VWA3B: variants seen among roughly 807,000 people sequenced by gnomAD.
VWA3B encodes the protein von Willebrand factor A domain containing 3B, also known as von Willebrand factor A domain-containing protein 3B.
A neutral mutation model predicts 158.3 loss-of-function variants in VWA3B; 138 were observed. The ratio of observed to expected loss-of-function variants is 0.87; its 90% CI spans 0.76 to 1.00. The LOEUF (loss-of-function observed/expected upper bound fraction) is 1.00, where lower values mean the gene tolerates loss of function less well. VWA3B is among the 50% of genes least tolerant of loss of function. The probability of loss-of-function intolerance (pLI) is 0.00; values close to 1 mark genes in which losing one functional copy is unlikely to be tolerated. For missense variants in VWA3B, 1,555 were observed against 1,565.1 expected (o/e 0.99, Z 0.11); for synonymous variants, 596 against 587.3 (o/e 1.01, Z -0.21).
At chr2:98,233,259 T>C (rs892734805) in intron 16 of VWA3B, among the ~76,000 whole-genome samples, 6 of 152,156 alleles carry the variant, frequency 3.9e-5, no homozygotes, top group Non-Finnish European at 7.4e-5. Flanking sequence ...TTTGTTTCCA[T>C]TGGTGATGTA....
chr2:98,214,230 CA>C (rs553661906), intron 13 of VWA3B, among the ~76,000 whole-genome samples: 3 of 144,846 alleles, frequency 2.1e-5, no homozygotes, highest in Non-Finnish European at 4.7e-5. Context: ...ACAAAAAAAA[CA>C]AAAAAAAGAG....
chr2:98,174,093 T>A (rs1325286285), intron 8 of VWA3B, among the ~76,000 whole-genome samples: 1 of 152,206 alleles, frequency 6.6e-6, no homozygotes, highest in Admixed American at 6.5e-5. Flanking sequence ...GTTAAGGACC[T>A]TCAAAACTTC....
At position 98,224,913 on chromosome 2, in the gene VWA3B, A is replaced by G. The variant is rs7561682; in HGVS notation, c.2020-3289A>G. ...TGAATCCAGCAATGTATTAAAAATT[A>G]TACACTATGATCAAGGGGGACTTAC... On this transcript the variant is annotated intron_variant, in intron 14 of 27. Transcript: ENST00000477737. Among the ~76,000 whole-genome samples the G allele has an allele frequency of 2.8e-3, 429 of 152,362 alleles. 2 individuals carry two copies. Among genetic ancestry groups the G allele is most frequent in the African/African-American group, 9.9e-3 (412 of 41,586 alleles).
intron 8 of VWA3B, among the ~76,000 whole-genome samples, chr2:98,164,250 GA>G (rs1212897216): frequency 6.6e-6 from 1 of 152,194 alleles, no homozygotes; most frequent in East Asian, 1.9e-4. Context: ...GGAGTAGTGT[GA>G]ATGGGGGTTT....
chr2:98,201,624 TG>T (rs1305088458), intron 12 of VWA3B, among the ~76,000 whole-genome samples: 2 of 151,472 alleles, frequency 1.3e-5, no homozygotes, highest in Admixed American at 6.6e-5. Flanking sequence ...TGAGGTTTTT[TG>T]TTTTTTTTGT....
intron 8 of VWA3B, among the ~76,000 whole-genome samples, chr2:98,163,908 C>A (rs1327730005): frequency 6.6e-6 from 1 of 152,176 alleles, no homozygotes; most frequent in Non-Finnish European, 1.5e-5. Context: ...TCAGGCGATG[C>A]AGAGATGAGC....
At chr2:98,287,443 A>G (rs1689230826) in intron 22 of VWA3B, among the ~76,000 whole-genome samples, 1 of 152,204 alleles carries the variant, frequency 6.6e-6, no homozygotes, top group South Asian at 2.1e-4. Context: ...TTTTACAAGA[A>G]CATTTGTCCT....
chr2:98,263,862 G>C (rs1006438245), intron 21 of VWA3B, among the ~76,000 whole-genome samples: 3 of 151,936 alleles, frequency 2.0e-5, no homozygotes, highest in Non-Finnish European at 4.4e-5. Context: ...AAGCCATGTG[G>C]TACTGGGCTT....
At chr2:98,234,127 C>T (rs997028907) in intron 16 of VWA3B, among the ~76,000 whole-genome samples, 9 of 152,180 alleles carry the variant, frequency 5.9e-5, no homozygotes, top group East Asian at 3.8e-4. Context: ...TATGATGACA[C>T]GTCACTCTCA....
intron 13 of VWA3B, chr2:98,216,988 C>CCCCCA (rs546622410): frequency 4.8e-6 from 6 of 1,250,528 alleles, no homozygotes; most frequent in African/African-American, 3.1e-5. Context: ...AAGCACCCGC[C>CCCCCA]CCGCACCCAG....
intron 13 of VWA3B, among the ~76,000 whole-genome samples, chr2:98,213,298 G>T (rs559451897): frequency 7.2e-4 from 109 of 152,020 alleles, no homozygotes; most frequent in Non-Finnish European, 1.5e-3. Flanking sequence ...TATTAGAAGG[G>T]TGGTGTCACC....
intron 7 of VWA3B, among the ~76,000 whole-genome samples, chr2:98,142,589 A>T (rs2105110963): frequency 1.3e-5 from 2 of 152,222 alleles, no homozygotes; most frequent in East Asian, 3.9e-4. Context: ...GGAGGAGGAG[A>T]TAGAGAGGGG....
chr2:98,318,876 A>T, the VWA3B span, among the ~76,000 whole-genome samples: 6 of 152,300 alleles, frequency 3.9e-5, no homozygotes, highest in East Asian at 1.9e-4. Flanking sequence ...TACTTAAGAG[A>T]TTGGTTCCAG....
chr2:98,212,657 T>C (rs1683629956), intron 13 of VWA3B, among the ~76,000 whole-genome samples: 1 of 152,212 alleles, frequency 6.6e-6, no homozygotes, highest in South Asian at 2.1e-4. Flanking sequence ...CGTCCTTCCT[T>C]GTGAGATGGT....
chr2:98,173,109 C>T (rs1286014155), intron 8 of VWA3B, among the ~76,000 whole-genome samples: 2 of 152,152 alleles, frequency 1.3e-5, no homozygotes, highest in East Asian at 1.9e-4. Flanking sequence ...GCAGAACAAG[C>T]TAATTTACAG....
chr2:98,321,325 G>C, the VWA3B span, among the ~76,000 whole-genome samples: 1 of 152,206 alleles, frequency 6.6e-6, no homozygotes, highest in Non-Finnish European at 1.5e-5. Flanking sequence ...CCCCCACACA[G>C]AGTCCCTACT....
At chr2:98,216,160 A>G (rs1343091368) in intron 13 of VWA3B, among the ~76,000 whole-genome samples, 1 of 152,238 alleles carries the variant, frequency 6.6e-6, no homozygotes. Flanking sequence ...CCGAGGGAGC[A>G]TTATAAGGTG....
At chr2:98,164,800 A>G (rs1448533500) in intron 8 of VWA3B, among the ~76,000 whole-genome samples, 1 of 152,136 alleles carries the variant, frequency 6.6e-6, no homozygotes, top group Admixed American at 6.6e-5. Flanking sequence ...CTGCATTTTT[A>G]CTAGTGAAAG....
chr2:98,273,019 G>A (rs1003306675), intron 22 of VWA3B, among the ~76,000 whole-genome samples: 2 of 152,186 alleles, frequency 1.3e-5, no homozygotes, highest in Admixed American at 6.5e-5. Flanking sequence ...GAGCCAGTAA[G>A]TTTCTGTCTA....
Sources: allele counts gnomAD v4.1 joint callset (sites outside exome capture counted in the v4.1 genomes callset), GRCh38; gene constraint gnomAD v4.1.1; transcripts MANE v1.5; gene names NCBI Gene and HGNC (gene_info 2026-07-23, HGNC 2026-07-21).